The following CUX2 variants were observed in gnomAD, a reference collection of about 807,000 sequenced individuals.
CUX2 encodes the protein homeobox protein cut-like 2.
Under a neutral mutation model 144.8 loss-of-function variants are expected in CUX2, and 40 were observed. The observed-to-expected ratio is 0.28, with a 90% CI of 0.21 to 0.36. The LOEUF (loss-of-function observed/expected upper bound fraction) is 0.36. Among genes scored for constraint, CUX2 ranks in the 10% least tolerant of loss-of-function variants. The probability of loss-of-function intolerance (pLI) is 1.00; values close to 1 mark genes in which losing one functional copy is unlikely to be tolerated. For missense variants in CUX2, 1,615 were observed against 1,994.0 expected (o/e 0.81, Z 3.62); for synonymous variants, 827 against 875.6 (o/e 0.94, Z 0.98).
rs147704329 is a variant in CUX2, at chr12:111,119,931, G to A, written c.63+85691G>A. 1.4e-3 allele frequency among the ~76,000 whole-genome samples: 211 copies of A among 152,236 alleles called. 1 individual carries two copies. Among genetic ancestry groups the A allele is most frequent in the African/African-American group, 4.3e-3 (178 of 41,534 alleles). ...AAATTAGCCAGGCATGGTGGCACGC[G>A]CCTGTAATCCCAGCTACTCAGGAGG... On this transcript the variant is annotated intron_variant, in intron 1 of 21. Transcript: ENST00000261726.
chr12:111,184,756 CAAAAG>C (rs1879408606), intron 1 of CUX2, among the ~76,000 whole-genome samples: 1 of 151,900 alleles, frequency 6.6e-6, no homozygotes, highest in Admixed American at 6.6e-5. Flanking sequence ...GACCCTGTCT[CAAAAG>C]AAAAGAAAAT....
chr12:111,260,400 C>T (rs1056535966), intron 3 of CUX2, among the ~76,000 whole-genome samples: 1 of 151,336 alleles, frequency 6.6e-6, no homozygotes, highest in Non-Finnish European at 1.5e-5. Context: ...GAAGGTGGAG[C>T]TTGCAGTGAG....
At chr12:111,305,617 G>A (rs1248996106) in intron 10 of CUX2, among the ~76,000 whole-genome samples, 2 of 152,038 alleles carry the variant, frequency 1.3e-5, no homozygotes, top group Non-Finnish European at 2.9e-5. Flanking sequence ...GATCACTTGA[G>A]CCCAGGAGTT....
At chr12:111,194,261 TC>T (rs1023676113) in intron 1 of CUX2, among the ~76,000 whole-genome samples, 8 of 152,158 alleles carry the variant, frequency 5.3e-5, no homozygotes, top group Admixed American at 5.2e-4. Flanking sequence ...CTCCTGGGGT[TC>T]TTGTAGCACA....
In CUX2 at chr12:111,081,135, C is replaced by T. The variant is rs114673708; in HGVS notation, c.63+46895C>T. Among the ~76,000 whole-genome samples the T allele has an allele frequency of 5.1e-3, 776 of 152,228 alleles. 10 individuals are homozygous for T. The highest frequency in any genetic ancestry group is 0.017 in the African/African-American group (712 of 41,526). On this transcript the variant is annotated intron_variant, in intron 1 of 21. Transcript: ENST00000261726. ...GCCCTCACCATGCTGTCACCGTTTC[C>T]GATTGACTGCTGCAGTGGTGGGAGG...
In CUX2 at chr12:111,304,038, A is replaced by G. The variant is rs1886451843; in HGVS notation, c.754-172A>G. Reference sequence around the variant, plus strand: ...CTGCTATTTCTTGTCCCCAGCCCAGACAGGGCTCTGTGACTGGTCTTCATA... The same window carrying G: ...CTGCTATTTCTTGTCCCCAGCCCAGGCAGGGCTCTGTGACTGGTCTTCATA... On this transcript the variant is annotated intron_variant, in intron 9 of 21. Transcript: ENST00000261726. The surrounding 1 kb of genome is among the most constrained non-coding windows in gnomAD (Gnocchi z 4.7). 1.7e-6 allele frequency: 1 copy of G among 580,148 alleles called. No individual in the cohort carries two copies. The highest frequency in any genetic ancestry group is 3.1e-6 in the Non-Finnish European group (1 of 323,966). 35.9% of individuals were successfully genotyped at this position (580,148 alleles called of 1,614,324 possible).
At chr12:111,118,018 AC>A (rs1187713148) in intron 1 of CUX2, among the ~76,000 whole-genome samples, 2 of 151,904 alleles carry the variant, frequency 1.3e-5, no homozygotes, top group Non-Finnish European at 2.9e-5. Flanking sequence ...AGGCTGGGAA[AC>A]CTCCCTTTGC....
In CUX2 at chr12:111,205,141, C is replaced by CGTCTT. The variant is rs111915383; in HGVS notation, c.64-9044_64-9040dup. ...CATCTCGGCGGGCTGCGGAGCCATC[C>CGTCTT]GTCTTGTCTTGTCTTGTCTCCTCAC... On this transcript the variant is annotated intron_variant, in intron 1 of 21. Coordinates refer to ENST00000261726, the MANE Select transcript of CUX2 (RefSeq NM_015267.4). 4.2e-3 allele frequency among the ~76,000 whole-genome samples: 633 copies of CGTCTT among 152,064 alleles called. 2 individuals carry two copies. The highest frequency in any genetic ancestry group is 0.014 in the African/African-American group (599 of 41,406).
At position 111,348,194 on chromosome 12, in the gene CUX2, G is replaced by A. The variant is rs868462119; in HGVS notation, c.4330G>A (p.Ala1444Thr). The A allele has an allele frequency of 1.2e-6, 2 of 1,614,056 alleles. No individual in the cohort carries two copies. The highest frequency in any genetic ancestry group is 1.7e-6 in the Non-Finnish European group (2 of 1,180,012). ...CAGCCCCACTGCTGACATGGCTGGA[G>A]CCTTGCACCCCAGTGCCAAGGTGAA... The part of the protein sequence containing the change: ...SASPTADMAG[A>T]LHPSAKVNPN... Residue 1444 changes from alanine (A) to threonine (T), a missense_variant, in exon 22 of 22, where the codon GCC becomes ACC. By Grantham distance (58) the Ala-to-Thr change is moderately conservative (BLOSUM62 0). Coordinates refer to ENST00000261726, the MANE Select transcript of CUX2 (RefSeq NM_015267.4).
At chr12:111,345,634 C>T (rs528398744) in intron 21 of CUX2, among the ~76,000 whole-genome samples, 17 of 149,338 alleles carry the variant, frequency 1.1e-4, no homozygotes, top group South Asian at 4.2e-4. Flanking sequence ...CCCAGCTACT[C>T]GGGAGGCTGA....
At chr12:111,236,577 C>A (rs937149861) in intron 3 of CUX2, among the ~76,000 whole-genome samples, 2 of 152,122 alleles carry the variant, frequency 1.3e-5, no homozygotes, top group Non-Finnish European at 2.9e-5. Context: ...GAACCCCGTG[C>A]CCTGGGGTGA....
intron 1 of CUX2, among the ~76,000 whole-genome samples, chr12:111,075,358 T>A (rs565310802): frequency 1.3e-4 from 20 of 152,268 alleles, no homozygotes; most frequent in African/African-American, 4.6e-4. Flanking sequence ...TTCAGACTTA[T>A]AAATTTATTA....
chr12:111,275,232 G>A (rs1412666958), intron 4 of CUX2, among the ~76,000 whole-genome samples: 2 of 152,130 alleles, frequency 1.3e-5, no homozygotes, highest in Non-Finnish European at 2.9e-5. Context: ...ATCCCTGCAC[G>A]CCCATCAGGA....
intron 2 of CUX2, among the ~76,000 whole-genome samples, chr12:111,214,914 A>C (rs921478282): frequency 1.3e-5 from 2 of 152,110 alleles, no homozygotes; most frequent in African/African-American, 4.8e-5. Flanking sequence ...AGTTTCTGTT[A>C]TTTACCGGCC....
rs1339612312 is a variant in CUX2, at chr12:111,190,578, G to A, written c.64-23622G>A. Among the ~76,000 whole-genome samples, 1 of 152,144 alleles carries A rather than the reference G, an allele frequency of 6.6e-6. No individual in the cohort carries two copies. Among genetic ancestry groups the A allele is most frequent in the African/African-American group, 2.4e-5 (1 of 41,418 alleles). On this transcript the variant is annotated intron_variant, in intron 1 of 21. Transcript: ENST00000261726. This position sits in a 1 kb window ranked among gnomAD's most constrained non-coding sequence, Gnocchi z 4.0. ...ACCTCTTGATGCTTTTTGACTATGA[G>A]ATGAGTTCATCTTTCCTGGACATCC...
At chr12:111,137,923 A>G (rs1355720861) in intron 1 of CUX2, among the ~76,000 whole-genome samples, 1 of 152,240 alleles carries the variant, frequency 6.6e-6, no homozygotes, top group African/African-American at 2.4e-5. Context: ...AGCTCTGGTC[A>G]TGACAGAATC....
rs1870664275 is a variant in CUX2, at chr12:111,059,309, G to GA, written c.63+25075dup. Reference sequence around the variant, plus strand: ...CATTCTGGAATTGGGCCCAGTCTCTGAAAAAATGTGCAGACTCCACACGGA... The same window carrying GA: ...CATTCTGGAATTGGGCCCAGTCTCTGAAAAAAATGTGCAGACTCCACACGGA... On this transcript the variant is annotated intron_variant, in intron 1 of 21. Transcript: ENST00000261726. This position sits in a 1 kb window ranked among gnomAD's most constrained non-coding sequence, Gnocchi z 5.3. Among the ~76,000 whole-genome samples the GA allele has an allele frequency of 1.3e-5, 2 of 152,324 alleles. No individual in the cohort carries two copies. Among genetic ancestry groups the GA allele is most frequent in the East Asian group, 3.9e-4 (2 of 5,180 alleles).
chr12:111,328,389 C>T (rs922965096), intron 18 of CUX2, among the ~76,000 whole-genome samples: 11 of 152,170 alleles, frequency 7.2e-5, no homozygotes, highest in East Asian at 3.8e-4. Context: ...CTTATCCCCA[C>T]GTCCACTGCC....
chr12:111,229,472 G>A (rs1338736383), intron 3 of CUX2, among the ~76,000 whole-genome samples: 3 of 152,218 alleles, frequency 2.0e-5, no homozygotes, highest in Non-Finnish European at 4.4e-5. Context: ...AGGTCACACA[G>A]CCAGGAGAAA....
Sources: allele counts gnomAD v4.1 joint callset (sites outside exome capture counted in the v4.1 genomes callset), GRCh38; gene constraint gnomAD v4.1.1; non-coding constraint Gnocchi (gnomAD v3.1); transcripts MANE v1.5; gene names NCBI Gene and HGNC (gene_info 2026-07-23, HGNC 2026-07-21).